NCKAP5: variants seen among roughly 807,000 people sequenced by gnomAD.
NCKAP5 encodes nck-associated protein 5.
NCKAP5 carries 92 observed loss-of-function variants against 167.0 expected under a neutral mutation model. That is an observed-to-expected ratio of 0.55 (90% CI 0.47 to 0.66). NCKAP5 has a LOEUF of 0.66. NCKAP5 is among the 30% of genes least tolerant of loss of function. The pLI is 0.00. For missense variants in NCKAP5, 2,378 were observed against 2,315.0 expected, an observed-to-expected ratio of 1.03 and a Z score of -0.56; for synonymous variants, 891 against 877.4, an observed-to-expected ratio of 1.02 and a Z score of -0.27.
At chr2:133,389,561 C>A (rs1321406158) in intron 3 of NCKAP5, among the ~76,000 whole-genome samples, 1 of 152,232 alleles carries the variant, frequency 6.6e-6, no homozygotes, top group Non-Finnish European at 1.5e-5. Context: ...ACAAAGTGTT[C>A]TCTTGCTCTA....
chr2:133,589,084 T>C, the NCKAP5 span, among the ~76,000 whole-genome samples: 3 of 152,112 alleles, frequency 2.0e-5, no homozygotes, highest in African/African-American at 7.2e-5. Flanking sequence ...ACTGACATGA[T>C]CCTGCCCACA....
chr2:133,549,772 AC>A (rs1326366119), intron 2 of NCKAP5, among the ~76,000 whole-genome samples: 1 of 150,814 alleles, frequency 6.6e-6, no homozygotes, highest in Non-Finnish European at 1.5e-5. Context: ...AAATAGAGAC[AC>A]AAAAAAACCC....
intron 3 of NCKAP5, among the ~76,000 whole-genome samples, chr2:133,423,012 C>T (rs1367796087): frequency 6.6e-6 from 1 of 152,130 alleles, no homozygotes; most frequent in African/African-American, 2.4e-5. Context: ...TTGCAAAACA[C>T]AGCCTGGGGA....
intron 11 of NCKAP5, among the ~76,000 whole-genome samples, chr2:132,816,326 C>T (rs1026186150): frequency 3.9e-5 from 6 of 152,034 alleles, no homozygotes; most frequent in Non-Finnish European, 7.4e-5. Context: ...TGAGGTAGAA[C>T]AAACACAAGT....
chr2:132,753,412 A>C (rs1680276954), intron 16 of NCKAP5, among the ~76,000 whole-genome samples: 1 of 152,050 alleles, frequency 6.6e-6, no homozygotes, highest in South Asian at 2.1e-4. Context: ...TCTGATGTAA[A>C]CTCCTCAAAT....
At chr2:133,453,946 T>C (rs1036875768) in intron 3 of NCKAP5, among the ~76,000 whole-genome samples, 1 of 152,086 alleles carries the variant, frequency 6.6e-6, no homozygotes, top group Non-Finnish European at 1.5e-5. Context: ...GTTTGTCACT[T>C]GCATGGTACA....
intron 16 of NCKAP5, among the ~76,000 whole-genome samples, chr2:132,759,582 A>C (rs528008450): frequency 1.2e-4 from 18 of 152,294 alleles, no homozygotes; most frequent in Admixed American, 5.2e-4. Context: ...TTCATGACTC[A>C]CAGATGAGTA....
intron 18 of NCKAP5, 119 bp downstream of exon 18, chr2:132,728,683 TTGGTTTATATTCAG>T: frequency 8.4e-7 from 1 of 1,195,516 alleles, no homozygotes; most frequent in Non-Finnish European, 1.2e-6. Context: ...ACCCTAGACC[TTGGTTTATATTCAG>T]TAAACCAACA....
chr2:133,266,819 T>G (rs2089256231), intron 4 of NCKAP5, among the ~76,000 whole-genome samples: 2 of 152,070 alleles, frequency 1.3e-5, no homozygotes, highest in African/African-American at 4.8e-5. Flanking sequence ...GCCCCTCGGG[T>G]GGGCAGTGCC....
chr2:133,213,908 T>C (rs1207347518), intron 4 of NCKAP5, 129 bp from the exon 5 acceptor site: 5 of 757,778 alleles, frequency 6.6e-6, no homozygotes, highest in East Asian at 2.7e-5. Context: ...TCCTCCTCTA[T>C]ACTTTCTATA....
intron 3 of NCKAP5, among the ~76,000 whole-genome samples, chr2:133,334,721 G>A (rs140919389): frequency 7.9e-5 from 12 of 152,278 alleles, no homozygotes; most frequent in East Asian, 7.7e-4. Flanking sequence ...GCTGCTGCCC[G>A]TTTTAACGGT....
chr2:133,511,517 C>T (rs1352321468), intron 3 of NCKAP5, among the ~76,000 whole-genome samples: 1 of 152,226 alleles, frequency 6.6e-6, no homozygotes, highest in East Asian at 1.9e-4. Flanking sequence ...ACTCCACCTC[C>T]ACCCACTCTC....
At chr2:132,705,384 C>A (rs1383759446) in intron 19 of NCKAP5, among the ~76,000 whole-genome samples, 2 of 152,094 alleles carry the variant, frequency 1.3e-5, no homozygotes, top group Admixed American at 1.3e-4. Flanking sequence ...CCCTTGATCC[C>A]TCTCCAATCA....
At chr2:132,891,787 C>T (rs1221119829) in intron 8 of NCKAP5, among the ~76,000 whole-genome samples, 2 of 152,122 alleles carry the variant, frequency 1.3e-5, no homozygotes, top group Non-Finnish European at 2.9e-5. Context: ...GCCTGGAGTG[C>T]GAAGGCAAGA....
chr2:133,254,066 A>T (rs1162345905), intron 4 of NCKAP5, among the ~76,000 whole-genome samples: 1 of 152,194 alleles, frequency 6.6e-6, no homozygotes, highest in African/African-American at 2.4e-5. Flanking sequence ...GATGATAACT[A>T]TAGCAGCTGA....
chr2:132,955,737 T>C (rs1458360341), intron 8 of NCKAP5, among the ~76,000 whole-genome samples: 2 of 152,188 alleles, frequency 1.3e-5, no homozygotes, highest in Non-Finnish European at 2.9e-5. Flanking sequence ...CGCCACACTG[T>C]CTTCCACAAT....
intron 8 of NCKAP5, among the ~76,000 whole-genome samples, chr2:132,939,584 G>A (rs1245312694): frequency 6.6e-6 from 1 of 151,928 alleles, no homozygotes; most frequent in Non-Finnish European, 1.5e-5. Flanking sequence ...TTTTTTCTCA[G>A]TTTTTTTATT....
At chr2:133,310,955 T>C (rs1267431665) in intron 3 of NCKAP5, among the ~76,000 whole-genome samples, 1 of 152,196 alleles carries the variant, frequency 6.6e-6, no homozygotes, top group East Asian at 1.9e-4. Flanking sequence ...CATACACCAC[T>C]CAATGTGATG....
chr2:132,900,306 G>T (rs1040125047), intron 8 of NCKAP5, among the ~76,000 whole-genome samples: 1 of 152,094 alleles, frequency 6.6e-6, no homozygotes, highest in Non-Finnish European at 1.5e-5. Flanking sequence ...CAGGGTTGCC[G>T]CAAACCCTCA....
Sources: allele counts gnomAD v4.1 joint callset (sites outside exome capture counted in the v4.1 genomes callset), GRCh38; gene constraint gnomAD v4.1.1; transcripts MANE v1.5; gene names NCBI Gene and HGNC (gene_info 2026-07-23, HGNC 2026-07-21).